Variants in PID1 observed in about 807,000 individuals in gnomAD.
PID1 encodes the protein PTB-containing, cubilin and LRP1-interacting protein.
Under a neutral mutation model 19.1 loss-of-function variants are expected in PID1, and 10 were observed. The observed-to-expected ratio is 0.52, with a 90% CI of 0.32 to 0.89. The LOEUF (loss-of-function observed/expected upper bound fraction) is 0.89, where lower values mean the gene tolerates loss of function less well. Ranked by LOEUF, PID1 falls within the 40% of genes least tolerant of loss-of-function variation. The pLI, the probability that PID1 is intolerant of heterozygous loss-of-function variation, is 0.03. For missense variants in PID1, 248 were observed against 285.3 expected (o/e 0.87, Z 0.94); for synonymous variants, 130 against 116.0 (o/e 1.12, Z -0.78).
At chr2:229,076,007 T>C (rs549559560) in intron 2 of PID1, among the ~76,000 whole-genome samples, 2 of 152,330 alleles carry the variant, frequency 1.3e-5, no homozygotes, top group South Asian at 2.1e-4. Context: ...GCAGGATACA[T>C]TGGTTGTCTA....
chr2:229,131,693 G>A (rs60176683), intron 2 of PID1, among the ~76,000 whole-genome samples: 5 of 152,116 alleles, frequency 3.3e-5, no homozygotes, highest in Admixed American at 6.5e-5. Flanking sequence ...CACTAGATAC[G>A]AATTTCAGTA....
chr2:229,246,902 T>C (rs1033206832), intron 1 of PID1, among the ~76,000 whole-genome samples: 1 of 151,960 alleles, frequency 6.6e-6, no homozygotes, highest in African/African-American at 2.4e-5. Context: ...ATGGAGAAGG[T>C]TTATCATGAT....
intron 1 of PID1, among the ~76,000 whole-genome samples, chr2:229,169,621 G>A (rs188559209): frequency 2.6e-4 from 40 of 152,192 alleles, no homozygotes; most frequent in Non-Finnish European, 4.1e-4. Context: ...AGGTCCTAAG[G>A]TCCTTTCTCT....
intron 2 of PID1, among the ~76,000 whole-genome samples, chr2:229,139,019 GAAAGAAAGAAAGAAAGAA>G (rs1689924890): frequency 1.2e-5 from 1 of 81,760 alleles, no homozygotes; most frequent in African/African-American, 4.5e-5. Context: ...AAGAAAGAAA[GAAAGAAAGAAAGAAAGAA>G]AGAGAAAGAA....
intron 2 of PID1, among the ~76,000 whole-genome samples, chr2:229,142,501 G>T (rs904226174): frequency 1.3e-5 from 2 of 152,144 alleles, no homozygotes; most frequent in African/African-American, 4.8e-5. Flanking sequence ...TTTCAACCAA[G>T]ATATGGCAGT....
intron 1 of PID1, among the ~76,000 whole-genome samples, chr2:229,173,021 C>G (rs1444379638): frequency 5.9e-5 from 9 of 152,176 alleles, no homozygotes; most frequent in Non-Finnish European, 1.3e-4. Flanking sequence ...GCGTGAACCA[C>G]TGGCCTCAAT....
intron 2 of PID1, among the ~76,000 whole-genome samples, chr2:229,074,576 T>C (rs745674420): frequency 4.5e-4 from 68 of 152,332 alleles, no homozygotes; most frequent in South Asian, 1.7e-3. Flanking sequence ...GATTAAATAC[T>C]ATCTCATGAT....
chr2:229,184,767 C>T lies in PID1; in HGVS notation c.31-28803G>A, dbSNP rs1184130512. 1.6e-4 allele frequency among the ~76,000 whole-genome samples: 2 copies of T among 12,566 alleles called. 1 individual carries two copies. Among genetic ancestry groups the T allele is most frequent in the Non-Finnish European group, 2.5e-4 (2 of 7,912 alleles). 8.2% of individuals were successfully genotyped at this position (12,566 alleles called of 152,430 possible). On this transcript the variant is annotated intron_variant, in intron 1 of 2. Coordinates refer to ENST00000392055, the MANE Select transcript of PID1 (RefSeq NM_001100818.2). ...TATATATCCCGTATATATATATATCCCGTATATATATATCCCGTATATATA... is the reference window on the plus strand; with the variant it reads ...TATATATCCCGTATATATATATATCTCGTATATATATATCCCGTATATATA...
chr2:229,268,940 C>G (rs1690664298), intron 1 of PID1, among the ~76,000 whole-genome samples: 1 of 152,210 alleles, frequency 6.6e-6, no homozygotes, highest in South Asian at 2.1e-4. Context: ...ACAGCTCTCT[C>G]AGAGGCAAAA....
chr2:229,127,028 A>C (rs1695635812), intron 2 of PID1, among the ~76,000 whole-genome samples: 3 of 152,226 alleles, frequency 2.0e-5, no homozygotes, highest in Non-Finnish European at 4.4e-5. Context: ...TTTGGATGCC[A>C]GCGGGGAGAG....
chr2:229,085,623 C>A (rs1260333917), intron 2 of PID1, among the ~76,000 whole-genome samples: 1 of 152,028 alleles, frequency 6.6e-6, no homozygotes, highest in African/African-American at 2.4e-5. Flanking sequence ...AGAAACATTG[C>A]TTAAATATAT....
intron 2 of PID1, among the ~76,000 whole-genome samples, chr2:229,151,510 A>G (rs1690251142): frequency 6.6e-6 from 1 of 151,714 alleles, no homozygotes; most frequent in Non-Finnish European, 1.5e-5. Flanking sequence ...ATTAATTAAC[A>G]CCTGTTCTTT....
chr2:229,247,818 A>G (rs1690043186), intron 1 of PID1, among the ~76,000 whole-genome samples: 1 of 152,178 alleles, frequency 6.6e-6, no homozygotes, highest in African/African-American at 2.4e-5. Flanking sequence ...CTTGGAAATA[A>G]CCTCCAACAT....
At chr2:229,097,521 T>C (rs1363583569) in intron 2 of PID1, among the ~76,000 whole-genome samples, 1 of 152,176 alleles carries the variant, frequency 6.6e-6, no homozygotes, top group Non-Finnish European at 1.5e-5. Context: ...AAGAATCAGA[T>C]ATTATATAAG....
At chr2:229,026,225 C>G (rs1693419928) in intron 2 of PID1, 117 bp from the exon 3 acceptor site, 1 of 713,506 alleles carries the variant, frequency 1.4e-6, no homozygotes, top group Non-Finnish European at 2.4e-6. Context: ...GGTGAAGACA[C>G]TTCTTTCTTG....
chr2:229,222,229 T>C (rs1407111443), intron 1 of PID1, among the ~76,000 whole-genome samples: 1 of 152,160 alleles, frequency 6.6e-6, no homozygotes, highest in Non-Finnish European at 1.5e-5. Context: ...AGAACTCCAC[T>C]TACCCTGAAT....
chr2:229,084,651 T>C (rs1179433267), intron 2 of PID1, among the ~76,000 whole-genome samples: 2 of 152,208 alleles, frequency 1.3e-5, no homozygotes, highest in Non-Finnish European at 2.9e-5. Flanking sequence ...CAGCCAACTT[T>C]CAACCACTAC....
At chr2:229,050,978 G>A (rs1278454786) in intron 2 of PID1, among the ~76,000 whole-genome samples, 1 of 152,160 alleles carries the variant, frequency 6.6e-6, no homozygotes, top group Non-Finnish European at 1.5e-5. Flanking sequence ...TACAATGAAA[G>A]AGAAAAGCTT....
chr2:229,233,131 C>T (rs998278054), intron 1 of PID1, among the ~76,000 whole-genome samples: 1 of 152,070 alleles, frequency 6.6e-6, no homozygotes, highest in African/African-American at 2.4e-5. Flanking sequence ...ACATAAATTC[C>T]TTAGTTTAAT....
Sources: gnomAD v4.1 joint callset for allele counts (sites outside exome capture counted in the v4.1 genomes callset) on GRCh38, gnomAD v4.1.1 for gene constraint, MANE v1.5 for transcripts, NCBI Gene and HGNC (gene_info 2026-07-23, HGNC 2026-07-21) for gene names.